EPS15: variants seen among roughly 807,000 people sequenced by gnomAD.
EPS15 encodes the protein epidermal growth factor receptor substrate 15.
A neutral mutation model predicts 113.8 loss-of-function variants in EPS15; 72 were observed. The ratio of observed to expected loss-of-function variants is 0.63; its 90% confidence interval spans 0.52 to 0.77. The LOEUF (loss-of-function observed/expected upper bound fraction) is 0.77. EPS15 is among the 30% of genes least tolerant of loss of function. The pLI, the probability that EPS15 is intolerant of heterozygous loss-of-function variation, is 0.00. For synonymous variants in EPS15, 344 were observed against 363.4 expected (o/e 0.95, Z 0.61); for missense variants, 1,048 against 1,045.8 (o/e 1.00, Z -0.03).
At chr1:51,373,962 T>C (rs981257178) in intron 21 of EPS15, among the ~76,000 whole-genome samples, 1 of 152,064 alleles carries the variant, frequency 6.6e-6, no homozygotes, top group African/African-American at 2.4e-5. Context: ...CAAAAAAAAT[T>C]AAGTGAACTT....
At chr1:51,384,922 C>T (rs1169870346) in intron 21 of EPS15, among the ~76,000 whole-genome samples, 2 of 152,130 alleles carry the variant, frequency 1.3e-5, no homozygotes, top group African/African-American at 4.8e-5. Flanking sequence ...GGACTCTTAC[C>T]TCACACAATA....
Position 51,421,854 on chromosome 1 carries a change from T to C in EPS15, c.1045A>G (p.Lys349Glu), listed in dbSNP as rs748776573. ...TTAAGGTCCTGTTCCACATTATTCT[T>C]TTCCCTAGAAGACCAGCAAACAATG... The part of the protein sequence containing the change: ...NNEIVDLQRE[K>E]NNVEQDLKEK... Residue 349 changes from lysine (K) to glutamate (E), a missense_variant, in exon 13 of 25, where the codon AAG (lysine) becomes GAG (glutamate). Lys to Glu is a moderately conservative substitution (Grantham distance 56). Coordinates refer to ENST00000371733, the MANE Select transcript of EPS15 (RefSeq NM_001981.3). The C allele has an allele frequency of 2.5e-6, 4 of 1,611,696 alleles. No homozygotes were observed. In the South Asian group the frequency reaches 3.3e-5, roughly 13 times the overall value.
At chr1:51,422,734 C>T (rs1650875320) in intron 12 of EPS15, among the ~76,000 whole-genome samples, 1 of 152,264 alleles carries the variant, frequency 6.6e-6, no homozygotes, top group Non-Finnish European at 1.5e-5. Context: ...CACACACAAA[C>T]ACACACACCT....
chr1:51,357,394 ATATATAT>A (rs1557761315), intron 24 of EPS15, among the ~76,000 whole-genome samples: 16 of 61,732 alleles, frequency 2.6e-4, no homozygotes, highest in African/African-American at 1.2e-3. Context: ...AAAAAAAAAT[ATATATAT>A]ATATATATAT....
At chr1:51,511,373 G>C (rs542247300) in intron 1 of EPS15, among the ~76,000 whole-genome samples, 1 of 147,566 alleles carries the variant, frequency 6.8e-6, no homozygotes, top group Non-Finnish European at 1.5e-5. Flanking sequence ...ATGCACGCCT[G>C]TAATCCCAGC....
At chr1:51,396,905 A>G (rs1648007742) in intron 20 of EPS15, among the ~76,000 whole-genome samples, 1 of 151,836 alleles carries the variant, frequency 6.6e-6, no homozygotes, top group East Asian at 1.9e-4. Context: ...AATTGAGACA[A>G]GATCTCACTC....
intron 15 of EPS15, among the ~76,000 whole-genome samples, chr1:51,407,017 C>T (rs1406188848): frequency 6.6e-6 from 1 of 152,100 alleles, no homozygotes; most frequent in Non-Finnish European, 1.5e-5. Context: ...AAGTGAAGGA[C>T]TTCATTATAT....
At chr1:51,357,395 T>TAAAA (rs1646251001) in intron 24 of EPS15, among the ~76,000 whole-genome samples, 1 of 62,230 alleles carries the variant, frequency 1.6e-5, no homozygotes, top group African/African-American at 9.5e-5. Flanking sequence ...AAAAAAAATA[T>TAAAA]ATATATATAT....
chr1:51,498,173 A>T (rs555578228), intron 1 of EPS15, among the ~76,000 whole-genome samples: 1 of 152,288 alleles, frequency 6.6e-6, no homozygotes, highest in East Asian at 1.9e-4. Context: ...TGATAAATTC[A>T]CTTATCCAAC....
intron 7 of EPS15, 141 bp from the exon 8 acceptor site, chr1:51,461,291 A>C (rs534022371): frequency 1.6e-6 from 1 of 632,776 alleles, no homozygotes; most frequent in African/African-American, 1.8e-5. Flanking sequence ...CCAAGGCAGG[A>C]GGATCACTTC....
In EPS15 at chr1:51,465,268, G is replaced by T; in HGVS notation, c.368C>A (p.Ala123Asp). Reference protein sequence around the residue: ...SGTSAAELPWAVKPEDKAKYD... With the variant: ...SGTSAAELPWDVKPEDKAKYD... ...GTTACAAAGTTTACTTACTTTTACA[G>T]CCCATGGGAGCTCAGCTGCAGAGGT... The change falls in exon 6 of 25, where the codon GCT becomes GAT. Residue 123 changes from alanine (A) to aspartate (D), a missense_variant. Coordinates refer to ENST00000371733, the MANE Select transcript of EPS15 (RefSeq NM_001981.3). The T allele has an allele frequency of 6.2e-7, 1 of 1,605,552 alleles. No individual in the cohort carries two copies. The highest frequency in any genetic ancestry group is 8.5e-7 in the Non-Finnish European group (1 of 1,173,414).
At chr1:51,440,508 G>A in intron 11 of EPS15, 76 bp from the exon 12 acceptor site, 1 of 587,640 alleles carries the variant, frequency 1.7e-6, no homozygotes, top group Non-Finnish European at 2.9e-6. Flanking sequence ...AAATATTAAA[G>A]CTCTACGCAG....
chr1:51,406,206 T>C (rs1557437297), intron 15 of EPS15, 98 bp from the exon 16 acceptor site: 1 of 979,578 alleles, frequency 1.0e-6, no homozygotes, highest in East Asian at 2.6e-5. Context: ...CTAGGTGTGG[T>C]AGCTCATGCC....
intron 1 of EPS15, among the ~76,000 whole-genome samples, chr1:51,487,188 A>T (rs565612574): frequency 5.9e-4 from 90 of 152,284 alleles, no homozygotes; most frequent in Admixed American, 1.0e-3. Flanking sequence ...AACTAGTAAA[A>T]CCAGATGGAA....
chr1:51,481,021 A>G lies in EPS15; in HGVS notation c.75+252T>C, dbSNP rs75509296. 8.6e-3 allele frequency among the ~76,000 whole-genome samples: 1,309 copies of G among 152,368 alleles called. 19 individuals are homozygous for G. Among genetic ancestry groups the G allele is most frequent in the African/African-American group, 0.029 (1,197 of 41,584 alleles). On this transcript the variant is annotated intron_variant, in intron 2 of 24. Transcript: ENST00000371733. ...AAGAATTTGGAATATTTATATCTGGATAAATCTATCAAATGTATACATTTT... is the reference window on the plus strand; with the variant it reads ...AAGAATTTGGAATATTTATATCTGGGTAAATCTATCAAATGTATACATTTT...
intron 5 of EPS15, among the ~76,000 whole-genome samples, chr1:51,467,133 T>A (rs1230419000): frequency 1.3e-5 from 2 of 152,222 alleles, no homozygotes; most frequent in Non-Finnish European, 2.9e-5. Context: ...TAAAATTACA[T>A]ACTGTCACCT....
chr1:51,489,990 C>T (rs1363826286), intron 1 of EPS15, among the ~76,000 whole-genome samples: 1 of 152,128 alleles, frequency 6.6e-6, no homozygotes, highest in Admixed American at 6.6e-5. Flanking sequence ...CATATTTTGG[C>T]TTGTTTCTTA....
chr1:51,414,583 T>C (rs1363489330), intron 13 of EPS15, among the ~76,000 whole-genome samples: 1 of 152,012 alleles, frequency 6.6e-6, no homozygotes. Flanking sequence ...TGTTCAAGAG[T>C]GGGAATAGGA....
Position 51,402,484 on chromosome 1 carries a change from T to G in EPS15, c.1833A>C (p.Pro611=), listed in dbSNP as rs1281058132. ...AAAAATCCAAGTTTGTATCTGCAAC[T>G]GGACCTGTCAGCGAACTTGAGTCTA... The part of the protein sequence containing the change: ...FNVDSSSLTG[P]VADTNLDFFQ... Residue 611 remains proline (P), a synonymous_variant, in exon 18 of 25, where the codon CCA becomes CCC. Transcript: ENST00000371733. 1 of 1,590,954 alleles carries G rather than the reference T, an allele frequency of 6.3e-7. No homozygotes were observed. The highest frequency in any genetic ancestry group is 8.6e-7 in the Non-Finnish European group (1 of 1,165,552).
Sources: allele counts gnomAD v4.1 joint callset (sites outside exome capture counted in the v4.1 genomes callset), GRCh38; gene constraint gnomAD v4.1.1; transcripts MANE v1.5; gene names NCBI Gene and HGNC (gene_info 2026-07-23, HGNC 2026-07-21).